The following DNAH14 variants were observed in gnomAD, a reference collection of about 807,000 sequenced individuals.
DNAH14 encodes axonemal beta dynein heavy chain 14.
In DNAH14, 478 loss-of-function variants were observed where a neutral mutation model predicts 520.9. The ratio of observed to expected loss-of-function variants is 0.92; its 90% confidence interval spans 0.85 to 0.99. DNAH14 has a LOEUF of 0.99. Among genes scored for constraint, DNAH14 ranks in the 50% least tolerant of loss-of-function variants. DNAH14 has a pLI of 0.00. For missense variants in DNAH14, 4,831 were observed against 5,234.5 expected (o/e 0.92, Z 2.38); for synonymous variants, 1,581 against 1,757.2 (o/e 0.90, Z 2.51).
rs2068541820 is a variant in DNAH14, at chr1:225,051,616, A to G, written c.2245A>G (p.Arg749Gly). The change falls in exon 17 of 86, where the codon AGA (arginine) becomes GGA (glycine). Residue 749 changes from arginine (R) to glycine (G), a missense_variant. Physicochemically the swap from Arg to Gly is moderately radical, Grantham distance 125. Coordinates refer to ENST00000682510, the MANE Select transcript of DNAH14 (RefSeq NM_001367479.1). The stretch of plus-strand genomic sequence containing the variant: ...AAAAGAATTTGAAGCTATTCTAAAT[A>G]GATTCAGAAACTATTTTAGACATAT... ...TSKEFEAILN[R>G]FRNYFRHIVN... The G allele has an allele frequency of 1.9e-6, 3 of 1,550,974 alleles. No homozygotes were observed. The highest frequency in any genetic ancestry group is 2.6e-6 in the Non-Finnish European group (3 of 1,146,552).
At chr1:225,185,187 T>TAA in intron 36 of DNAH14, 104 bp from the exon 37 acceptor site, 1 of 1,254,592 alleles carries the variant, frequency 8.0e-7, no homozygotes, top group Non-Finnish European at 1.1e-6. Flanking sequence ...ACAAACTCAT[T>TAA]TATTATAGCC....
intron 10 of DNAH14, among the ~76,000 whole-genome samples, chr1:225,023,357 C>T (rs988520130): frequency 1.2e-4 from 18 of 150,096 alleles, no homozygotes; most frequent in Non-Finnish European, 2.1e-4. Flanking sequence ...TGGTTAGTCT[C>T]CTCTGTCTTT....
intron 37 of DNAH14, among the ~76,000 whole-genome samples, chr1:225,191,947 C>A (rs1262391123): frequency 6.6e-6 from 1 of 151,890 alleles, no homozygotes; most frequent in Non-Finnish European, 1.5e-5. Context: ...GTTCTTACAC[C>A]ATTTTCCAGT....
chr1:225,324,110 C>T, intron 62 of DNAH14, 112 bp from the exon 63 acceptor site: 1 of 1,366,328 alleles, frequency 7.3e-7, no homozygotes, highest in Non-Finnish European at 9.9e-7. Context: ...GCCGCCGCCC[C>T]CGGCCTGAAT....
chr1:224,952,595 C>A, intron 1 of DNAH14, 75 bp from the exon 2 acceptor site: 1 of 767,914 alleles, frequency 1.3e-6, no homozygotes, highest in Non-Finnish European at 1.9e-6. Context: ...ACTATATATG[C>A]CATTTTGAAT....
intron 75 of DNAH14, 73 bp downstream of exon 75, chr1:225,360,964 A>G (rs1376332404): frequency 7.4e-7 from 1 of 1,346,436 alleles, no homozygotes; most frequent in Non-Finnish European, 1.0e-6. Flanking sequence ...GGAAATGTCA[A>G]TGTATACTGT....
intron 33 of DNAH14, among the ~76,000 whole-genome samples, chr1:225,153,515 A>G (rs10915789): frequency 0.021 from 3,226 of 152,214 alleles, 87 homozygotes; most frequent in African/African-American, 0.062. Context: ...TAATTCAGAT[A>G]CCGATATTTC....
chr1:225,265,077 T>G, intron 47 of DNAH14, 105 bp from the exon 48 acceptor site: 1 of 808,114 alleles, frequency 1.2e-6, no homozygotes, highest in Non-Finnish European at 1.8e-6. Flanking sequence ...GACAACAAAA[T>G]AGTAAAATTA....
chr1:225,271,049 G>A (rs1222786737), intron 50 of DNAH14, among the ~76,000 whole-genome samples, 183 bp downstream of exon 50: 2 of 152,290 alleles, frequency 1.3e-5, no homozygotes, highest in Non-Finnish European at 1.5e-5. Context: ...GTTATTGTGT[G>A]TAAAATAAAC....
At chr1:225,196,892 G>C (rs545221183) in intron 38 of DNAH14, among the ~76,000 whole-genome samples, 9 of 151,426 alleles carry the variant, frequency 5.9e-5, no homozygotes, top group Non-Finnish European at 1.2e-4. Flanking sequence ...TGATGGTATT[G>C]TTTAGTTTTT....
In DNAH14 at chr1:225,040,361, A is replaced by G. The variant is rs757181248; in HGVS notation, c.1488+1538A>G. Among the ~76,000 whole-genome samples, 28 of 152,378 alleles carry G rather than the reference A, an allele frequency of 1.8e-4. No homozygotes were observed. In the East Asian group the frequency reaches 5.4e-3, roughly 29 times the overall value. ...TAGTTTGAAGTTTGAAAATATATGC[A>G]TCGAAATATTAACAATGGTTATCTG... On this transcript the variant is annotated intron_variant, in intron 12 of 85. Transcript: ENST00000682510.
chr1:225,294,722 A>G (rs2093968174), intron 55 of DNAH14, among the ~76,000 whole-genome samples: 2 of 151,954 alleles, frequency 1.3e-5, no homozygotes, highest in South Asian at 4.2e-4. Flanking sequence ...TACTTAGGAT[A>G]CTGAGGCAGG....
At chr1:225,199,644 T>A (rs1236198483) in intron 38 of DNAH14, among the ~76,000 whole-genome samples, 1 of 152,210 alleles carries the variant, frequency 6.6e-6, no homozygotes, top group African/African-American at 2.4e-5. Context: ...TTGCATGGTT[T>A]TGAAGGTTCC....
chr1:225,352,022 T>C lies in DNAH14; in HGVS notation c.11533+139T>C, dbSNP rs2095371748. On this transcript the variant is annotated intron_variant, in intron 72 of 85. Coordinates refer to ENST00000682510, the MANE Select transcript of DNAH14 (RefSeq NM_001367479.1). ...TATAACTACATTTTCAGCATGCACA[T>C]GTTATTCATTATAATCCTCATAACA... 4 of 652,370 alleles carry C rather than the reference T, an allele frequency of 6.1e-6. No homozygotes were observed. In the Admixed American group the frequency reaches 1.2e-4, roughly 20 times the overall value. The allele number at this position is 652,370 out of a possible 1,614,324, so 40.4% of individuals were successfully genotyped here.
chr1:225,119,597 C>A (rs186240277), intron 26 of DNAH14, among the ~76,000 whole-genome samples: 3 of 152,318 alleles, frequency 2.0e-5, no homozygotes, highest in Admixed American at 2.0e-4. Flanking sequence ...TGTTCAGGAT[C>A]TGAACTCTGC....
At chr1:225,323,674 G>A (rs1248290427) in intron 62 of DNAH14, among the ~76,000 whole-genome samples, 1 of 152,088 alleles carries the variant, frequency 6.6e-6, no homozygotes, top group Non-Finnish European at 1.5e-5. Flanking sequence ...TGTTGGTCAG[G>A]CTGGTCTTGA....
At chr1:225,197,845 G>A (rs984847696) in intron 38 of DNAH14, among the ~76,000 whole-genome samples, 1 of 152,134 alleles carries the variant, frequency 6.6e-6, no homozygotes, top group Non-Finnish European at 1.5e-5. Context: ...CTTGGTTACT[G>A]TTGGTGTATA....
chr1:225,087,914 A>G (rs1023774161), intron 21 of DNAH14, among the ~76,000 whole-genome samples: 2 of 152,206 alleles, frequency 1.3e-5, no homozygotes, highest in Non-Finnish European at 2.9e-5. Flanking sequence ...AATAGTGCCT[A>G]TATGCATGGT....
chr1:225,364,738 C>A (rs1329169501), intron 75 of DNAH14, 54 bp from the exon 76 acceptor site: 4 of 1,291,484 alleles, frequency 3.1e-6, no homozygotes, highest in Non-Finnish European at 4.2e-6. Flanking sequence ...ATTCTAAAAA[C>A]ATGTTGGTTT....
Sources: allele counts gnomAD v4.1 joint callset (sites outside exome capture counted in the v4.1 genomes callset), GRCh38; gene constraint gnomAD v4.1.1; transcripts MANE v1.5; gene names NCBI Gene and HGNC (gene_info 2026-07-23, HGNC 2026-07-21).